Variants in LHFPL6 observed in about 807,000 individuals in gnomAD.
LHFPL6 encodes LHFPL tetraspan subfamily member 6.
LHFPL6 carries 9 observed loss-of-function variants against 20.6 expected under a neutral mutation model. That is an observed-to-expected ratio of 0.44 (90% confidence interval 0.26 to 0.76). The LOEUF (loss-of-function observed/expected upper bound fraction) is 0.76. LHFPL6 is among the 30% of genes least tolerant of loss of function. The pLI, the probability that LHFPL6 is intolerant of heterozygous loss-of-function variation, is 0.20. For synonymous variants in LHFPL6, 105 were observed against 98.7 expected (o/e 1.06, Z -0.38); for missense variants, 218 against 253.5 (o/e 0.86, Z 0.95).
intron 2 of LHFPL6, among the ~76,000 whole-genome samples, chr13:39,485,873 A>G (rs1868707808): frequency 6.6e-6 from 1 of 152,200 alleles, no homozygotes. Flanking sequence ...GTTAGTAATA[A>G]CAATAGTAAT....
At chr13:39,381,920 C>T (rs192162400) in intron 2 of LHFPL6, among the ~76,000 whole-genome samples, 256 of 151,824 alleles carry the variant, frequency 1.7e-3, no homozygotes, top group African/African-American at 5.8e-3. Context: ...TTTGACTTAT[C>T]TGAACACAGT....
At chr13:39,585,808 A>G (rs1002835232) in intron 2 of LHFPL6, among the ~76,000 whole-genome samples, 1 of 152,166 alleles carries the variant, frequency 6.6e-6, no homozygotes, top group Non-Finnish European at 1.5e-5. Flanking sequence ...CAAATAAGCT[A>G]TTCAATTCAA....
At chr13:39,446,565 C>T (rs1872296156) in intron 2 of LHFPL6, among the ~76,000 whole-genome samples, 1 of 151,878 alleles carries the variant, frequency 6.6e-6, no homozygotes, top group Non-Finnish European at 1.5e-5. Context: ...GATCGTGTCC[C>T]AACTGTGTAC....
At chr13:39,566,845 T>C (rs1290828444) in intron 2 of LHFPL6, among the ~76,000 whole-genome samples, 1 of 151,576 alleles carries the variant, frequency 6.6e-6, no homozygotes, top group African/African-American at 2.4e-5. Context: ...ACCCCATTTC[T>C]ACCACTATCT....
rs191179254 is a variant in LHFPL6 at position 39,576,477 on chromosome 13, G to A, written c.385+24355C>T. Among the ~76,000 whole-genome samples the A allele has an allele frequency of 4.9e-3, 739 of 152,168 alleles. 6 individuals carry two copies. The highest frequency in any genetic ancestry group is 0.017 in the African/African-American group (715 of 41,510). On this transcript the variant is annotated intron_variant, in intron 2 of 3. Transcript: ENST00000379589. ...AGCAAAGCTTTCATACTATTAACTG[G>A]AAAACAAAGAATAAAGTATGCTTAC... is the stretch of plus-strand genomic sequence containing the variant.
At chr13:39,410,089 CAT>C (rs1461325338) in intron 2 of LHFPL6, among the ~76,000 whole-genome samples, 2 of 152,292 alleles carry the variant, frequency 1.3e-5, no homozygotes, top group African/African-American at 2.4e-5. Flanking sequence ...ATTTGTAAAT[CAT>C]GTGTTAAAAT....
chr13:39,506,136 T>C (rs1414220449), intron 2 of LHFPL6, among the ~76,000 whole-genome samples: 3 of 152,220 alleles, frequency 2.0e-5, no homozygotes, highest in Non-Finnish European at 2.9e-5. Flanking sequence ...ATCTTTTACA[T>C]TACTTCCTTA....
At chr13:39,507,328 T>G (rs184556870) in intron 2 of LHFPL6, among the ~76,000 whole-genome samples, 1 of 152,278 alleles carries the variant, frequency 6.6e-6, no homozygotes, top group East Asian at 1.9e-4. Flanking sequence ...GCAGTGCATT[T>G]CCTGTGCCGT....
At chr13:39,568,417 G>A (rs1333832065) in intron 2 of LHFPL6, among the ~76,000 whole-genome samples, 1 of 152,054 alleles carries the variant, frequency 6.6e-6, no homozygotes, top group Non-Finnish European at 1.5e-5. Flanking sequence ...GACCAATTCT[G>A]AAAATATTGC....
At chr13:39,345,512 C>CAAAAAAAAAAAAAAAAAAAAAAAAAAA in intron 3 of LHFPL6, among the ~76,000 whole-genome samples, 1 of 43,452 alleles carries the variant, frequency 2.3e-5, no homozygotes, top group Non-Finnish European at 4.9e-5. Flanking sequence ...GACTCCATCT[C>CAAAAAAAAAAAAAAAAAAAAAAAAAAA]AAAAAAAAAA....
intron 3 of LHFPL6, among the ~76,000 whole-genome samples, chr13:39,352,677 T>C (rs1478065935): frequency 6.6e-6 from 1 of 151,804 alleles, no homozygotes; most frequent in Non-Finnish European, 1.5e-5. Context: ...ATATCTTTTG[T>C]CTGTGATATT....
In LHFPL6 at chr13:39,556,459, C is replaced by A. The variant is rs532612901; in HGVS notation, c.385+44373G>T. Among the ~76,000 whole-genome samples, 3 of 152,268 alleles carry A rather than the reference C, an allele frequency of 2.0e-5. No homozygotes were observed. The South Asian group carries it at 6.2e-4, about 32-fold the overall frequency. On this transcript the variant is annotated intron_variant, in intron 2 of 3. Transcript: ENST00000379589. ...TTATTGGGAACTAGAGTAATGGTCA[C>A]CCCTGTTACACCCTGGCGAAGAACT...
At chr13:39,579,581 T>C (rs1872216924) in intron 2 of LHFPL6, among the ~76,000 whole-genome samples, 5 of 152,220 alleles carry the variant, frequency 3.3e-5, no homozygotes, top group Admixed American at 2.6e-4. Context: ...AAAATTTTTT[T>C]ATCTTTTTCT....
At chr13:39,588,017 C>A (rs1335925029) in intron 2 of LHFPL6, among the ~76,000 whole-genome samples, 1 of 152,020 alleles carries the variant, frequency 6.6e-6, no homozygotes, top group Non-Finnish European at 1.5e-5. Flanking sequence ...TATCCAGATG[C>A]CAGATGCTAA....
intron 2 of LHFPL6, among the ~76,000 whole-genome samples, chr13:39,532,936 A>T (rs1034165625): frequency 6.6e-6 from 1 of 152,228 alleles, no homozygotes; most frequent in African/African-American, 2.4e-5. Flanking sequence ...ACTGTCTTCA[A>T]ATCATCTCCC....
At chr13:39,585,410 A>G (rs1448416936) in intron 2 of LHFPL6, among the ~76,000 whole-genome samples, 7 of 152,224 alleles carry the variant, frequency 4.6e-5, no homozygotes, top group African/African-American at 9.6e-5. Flanking sequence ...CTTCAATGCA[A>G]TTGGCTCTTG....
chr13:39,424,932 AATGCC>A (rs1296709553), intron 2 of LHFPL6, among the ~76,000 whole-genome samples: 1 of 152,160 alleles, frequency 6.6e-6, no homozygotes, highest in African/African-American at 2.4e-5. Context: ...ACATATAATA[AATGCC>A]ACGTATTTGA....
At chr13:39,592,555 T>C (rs908865868) in intron 2 of LHFPL6, among the ~76,000 whole-genome samples, 1 of 152,216 alleles carries the variant, frequency 6.6e-6, no homozygotes, top group South Asian at 2.1e-4. Context: ...AAGGAGGAGC[T>C]GGTACCATTC....
chr13:39,447,076 A>G (rs1872310630), intron 2 of LHFPL6, among the ~76,000 whole-genome samples: 1 of 152,224 alleles, frequency 6.6e-6, no homozygotes, highest in Non-Finnish European at 1.5e-5. Flanking sequence ...TTGGCCTTGT[A>G]TAGGAACACA....
Sources: allele counts gnomAD v4.1 joint callset (sites outside exome capture counted in the v4.1 genomes callset), GRCh38; gene constraint gnomAD v4.1.1; transcripts MANE v1.5; gene names NCBI Gene and HGNC (gene_info 2026-07-23, HGNC 2026-07-21).